Variants in ZNF782 observed in about 807,000 individuals in gnomAD.
The protein encoded by ZNF782 is zinc finger protein 782.
A neutral mutation model predicts 13.0 loss-of-function variants in ZNF782; 12 were observed. That is an observed-to-expected ratio of 0.92 (90% CI 0.59 to 1.50). The LOEUF is 1.50. ZNF782 is among the 40% of genes most tolerant of loss of function. The probability of loss-of-function intolerance (pLI) is 0.00; values close to 1 mark genes in which losing one functional copy is unlikely to be tolerated. For missense variants in ZNF782, 770 were observed against 822.9 expected (o/e 0.94, Z 0.79); for synonymous variants, 284 against 283.0 (o/e 1.00, Z -0.04).
intron 1 of ZNF782, among the ~76,000 whole-genome samples, chr9:96,863,017 A>C (rs546920138): frequency 6.6e-6 from 1 of 152,316 alleles, no homozygotes; most frequent in South Asian, 2.1e-4. Flanking sequence ...CCAGTTCTAC[A>C]CAATGCTATT....
At chr9:96,898,580 T>G in the ZNF782 span, among the ~76,000 whole-genome samples, 4 of 148,496 alleles carry the variant, frequency 2.7e-5, no homozygotes, top group Non-Finnish European at 5.9e-5. Context: ...ACAGTCTCCC[T>G]CTATTGCCCA....
chr9:96,861,490 AGTTTCAGCT>A (rs1160037414), intron 2 of ZNF782: 2 of 154,060 alleles, frequency 1.3e-5, no homozygotes, highest in African/African-American at 4.8e-5. Context: ...ATGTGCCTGT[AGTTTCAGCT>A]GTTTGGGAGA....
rs1158088977 is a variant in ZNF782 at position 96,818,580 on chromosome 9, A to G, written c.1443T>C (p.Asn481=). 6.2e-7 allele frequency: 1 copy of G among 1,613,794 alleles called. No homozygotes were observed. The highest frequency in any genetic ancestry group is 1.7e-5 in the Admixed American group (1 of 60,022). ...TATGGCTGAAAGATTTCCCGCATTC[A>G]TTACATTCAAAAGGTTTCTCCCCTG... ...THTGEKPFEC[N]ECGKSFSHMS... is the part of the protein sequence containing the mutation. The change falls in exon 6 of 6, where the codon AAT becomes AAC. Residue 481 remains asparagine, a synonymous_variant. Coordinates refer to ENST00000481138, the MANE Select transcript of ZNF782 (RefSeq NM_001001662.3).
the ZNF782 span, among the ~76,000 whole-genome samples, chr9:96,923,441 CT>C: frequency 6.9e-6 from 1 of 144,662 alleles, no homozygotes; most frequent in Non-Finnish European, 1.5e-5. Context: ...TGGATCTGCC[CT>C]CACACATTGA....
At chr9:96,929,543 GAC>G in the ZNF782 span, among the ~76,000 whole-genome samples, 3,009 of 152,102 alleles carry the variant, frequency 0.02, 154 homozygotes, top group East Asian at 0.23. Context: ...AGCATGTAGT[GAC>G]AGCCTCTGGG....
chr9:96,827,215 G>T, intron 4 of ZNF782, 34 bp from the exon 5 acceptor site: 1 of 1,464,510 alleles, frequency 6.8e-7, no homozygotes, highest in Non-Finnish European at 9.4e-7. Flanking sequence ...ATTTGCATTA[G>T]TTGCATAGGT....
chr9:96,931,994 G>A, the ZNF782 span: 4 of 1,610,582 alleles, frequency 2.5e-6, no homozygotes, highest in South Asian at 3.3e-5. Context: ...GCCCCCTCAG[G>A]CACAGACCTT....
the ZNF782 span, chr9:96,893,342 T>C: frequency 1.6e-4 from 25 of 152,264 alleles, no homozygotes; most frequent in African/African-American, 5.3e-4. Context: ...AGTTAAAAAA[T>C]AGGAGGCTAT....
chr9:96,847,685 CCAA>C (rs1396737529), intron 3 of ZNF782, among the ~76,000 whole-genome samples: 1 of 151,976 alleles, frequency 6.6e-6, no homozygotes, highest in African/African-American at 2.4e-5. Context: ...TTGAAAATTG[CCAA>C]CAACAACAAA....
chr9:96,838,637 C>G (rs1371899615), intron 4 of ZNF782, among the ~76,000 whole-genome samples: 1 of 151,930 alleles, frequency 6.6e-6, no homozygotes, highest in African/African-American at 2.4e-5. Context: ...TGATGATCTT[C>G]CATGTTGTGA....
chr9:96,930,957 C>T, the ZNF782 span, among the ~76,000 whole-genome samples: 1 of 128,006 alleles, frequency 7.8e-6, no homozygotes, highest in Non-Finnish European at 1.6e-5. Flanking sequence ...TGAAGTGGCA[C>T]GATCTCGGCT....
chr9:96,889,662 A>G, the ZNF782 span: 1 of 152,176 alleles, frequency 6.6e-6, no homozygotes, highest in African/African-American at 2.4e-5. Context: ...TGGCCTCCCA[A>G]AGTGCTTGGA....
chr9:96,865,702 C>A (rs544406819), intron 1 of ZNF782, among the ~76,000 whole-genome samples: 1 of 152,216 alleles, frequency 6.6e-6, no homozygotes, highest in East Asian at 1.9e-4. Context: ...CAGAAGAAGA[C>A]AGGAAAATAT....
At chr9:96,832,549 C>T (rs1423285323) in intron 4 of ZNF782, among the ~76,000 whole-genome samples, 1 of 152,076 alleles carries the variant, frequency 6.6e-6, no homozygotes, top group Admixed American at 6.6e-5. Flanking sequence ...TCTTAGTTTC[C>T]CTTCATCTGA....
chr9:96,852,303 A>G (rs1389484620), intron 2 of ZNF782, among the ~76,000 whole-genome samples: 1 of 152,246 alleles, frequency 6.6e-6, no homozygotes, highest in Admixed American at 6.5e-5. Context: ...ATACAGGATT[A>G]GTTGAATTAA....
rs867681478 is a variant in ZNF782 at position 96,850,523 on chromosome 9, G to T, written c.15+1424C>A. On this transcript the variant is annotated intron_variant, in intron 3 of 5. Coordinates refer to ENST00000481138, the MANE Select transcript of ZNF782 (RefSeq NM_001001662.3). The surrounding 1 kb of genome is among the most constrained non-coding windows in gnomAD (Gnocchi z 4.3). ...GGAGGGTGGGAGGCTAGGGAAAGGT[G>T]CTAGGGATAAAAAACTACCTATAAG... Among the ~76,000 whole-genome samples, 1 of 152,082 alleles carries T rather than the reference G, an allele frequency of 6.6e-6. No homozygotes were observed. Among genetic ancestry groups the T allele is most frequent in the African/African-American group, 2.4e-5 (1 of 41,418 alleles).
At chr9:96,896,198 T>C in the ZNF782 span, among the ~76,000 whole-genome samples, 84 of 152,284 alleles carry the variant, frequency 5.5e-4, no homozygotes, top group Middle Eastern at 3.4e-3. Context: ...ATCTGGCAGA[T>C]ACTTTTTTTC....
the ZNF782 span, among the ~76,000 whole-genome samples, chr9:96,883,513 G>A: frequency 6.6e-6 from 1 of 152,092 alleles, no homozygotes; most frequent in Non-Finnish European, 1.5e-5. Context: ...GACAGAGAGA[G>A]AAGGTTTAGA....
intron 4 of ZNF782, among the ~76,000 whole-genome samples, chr9:96,833,534 A>G (rs1227743931): frequency 6.6e-6 from 1 of 152,236 alleles, no homozygotes; most frequent in East Asian, 1.9e-4. Flanking sequence ...AAGACCACAG[A>G]GGTAAAGTGT....
Sources: allele counts gnomAD v4.1 joint callset (sites outside exome capture counted in the v4.1 genomes callset), GRCh38; gene constraint gnomAD v4.1.1; non-coding constraint Gnocchi (gnomAD v3.1); transcripts MANE v1.5; gene names NCBI Gene and HGNC (gene_info 2026-07-23, HGNC 2026-07-21).